The following FNDC1 variants were observed in gnomAD, a reference collection of about 807,000 sequenced individuals.
The protein encoded by FNDC1 is fibronectin type III domain-containing protein 1.
FNDC1 carries 96 observed loss-of-function variants against 168.0 expected under a neutral mutation model. The ratio of observed to expected loss-of-function variants is 0.57; its 90% confidence interval spans 0.48 to 0.68. The LOEUF (loss-of-function observed/expected upper bound fraction) is 0.68, where lower values mean the gene tolerates loss of function less well. FNDC1 is among the 30% of genes least tolerant of loss of function. The pLI, the probability that FNDC1 is intolerant of heterozygous loss-of-function variation, is 0.00. For missense variants in FNDC1, 2,587 were observed against 2,482.1 expected, an observed-to-expected ratio of 1.04 and a Z score of -0.90; for synonymous variants, 1,099 against 1,025.9, an observed-to-expected ratio of 1.07 and a Z score of -1.36.
chr6:159,200,692 T>C (rs964966825), intron 4 of FNDC1, 111 bp downstream of exon 4: 63 of 783,640 alleles, frequency 8.0e-5, no homozygotes, highest in Non-Finnish European at 1.2e-4. Context: ...TGAGTTCCCA[T>C]CGCTAAACTA....
chr6:159,230,098 C>T, intron 10 of FNDC1, 95 bp downstream of exon 10: 8 of 1,117,244 alleles, frequency 7.2e-6, no homozygotes, highest in Non-Finnish European at 9.8e-6. Flanking sequence ...TTTGGAACTG[C>T]TCAGCAGATG....
chr6:159,204,839 C>A (rs912238803), intron 4 of FNDC1, among the ~76,000 whole-genome samples: 1 of 152,198 alleles, frequency 6.6e-6, no homozygotes, highest in Non-Finnish European at 1.5e-5. Context: ...TTTCTTTATG[C>A]CACAGTGGCT....
intron 9 of FNDC1, among the ~76,000 whole-genome samples, chr6:159,228,248 G>A (rs576472182): frequency 3.9e-5 from 6 of 152,262 alleles, no homozygotes; most frequent in Non-Finnish European, 7.4e-5. Flanking sequence ...AAAAGAACTC[G>A]CGTATCTTAA....
At position 159,183,452 on chromosome 6, in the gene FNDC1, G is replaced by A. The variant is rs1028422842; in HGVS notation, c.109+13747G>A. Among the ~76,000 whole-genome samples the A allele has an allele frequency of 3.3e-5, 5 of 152,328 alleles. No homozygotes were observed. The Middle Eastern group carries it at 0.01, about 311-fold the overall frequency. On this transcript the variant is annotated intron_variant, in intron 1 of 22. Coordinates refer to ENST00000297267, the MANE Select transcript of FNDC1 (RefSeq NM_032532.3). ...TGCGTTCTTTGGGTGGAGATGTCAA[G>A]TAGACAGTTGGACACACTGGAGCTC...
chr6:159,175,064 C>G (rs1409773033), intron 1 of FNDC1, among the ~76,000 whole-genome samples: 1 of 152,118 alleles, frequency 6.6e-6, no homozygotes, highest in South Asian at 2.1e-4. Context: ...AAAGTAGATG[C>G]TGCTCACATT....
chr6:159,203,728 T>C (rs1362559628), intron 4 of FNDC1, among the ~76,000 whole-genome samples: 1 of 152,206 alleles, frequency 6.6e-6, no homozygotes, highest in Non-Finnish European at 1.5e-5. Context: ...AGACTTCTTT[T>C]CTGCAAGTTG....
chr6:159,233,790 C>T lies in FNDC1; in HGVS notation c.3278C>T (p.Ala1093Val). 5 of 1,538,372 alleles carry T rather than the reference C, an allele frequency of 3.3e-6. No homozygotes were observed. Among genetic ancestry groups the T allele is most frequent in the East Asian group, 2.5e-5 (1 of 40,756 alleles). ...GAAGTCGAGGCCCAGGATGTGCGGG[C>T]CCCCGCGCACGCCGCGCGCGCCAAG... ...STEVEAQDVR[A>V]PAHAARAKEA... Residue 1093 changes from alanine to valine, a missense_variant, in exon 11 of 23, where the codon GCC becomes GTC. Transcript: ENST00000297267. This position sits in a 1 kb window ranked among gnomAD's most constrained non-coding sequence, Gnocchi z 4.6.
chr6:159,206,717 T>C (rs1182354435), intron 4 of FNDC1, among the ~76,000 whole-genome samples: 1 of 152,262 alleles, frequency 6.6e-6, no homozygotes, highest in Non-Finnish European at 1.5e-5. Flanking sequence ...ATTCTACTTC[T>C]TGTCTTTTGC....
At chr6:159,222,022 G>A (rs780183475) in intron 6 of FNDC1, among the ~76,000 whole-genome samples, 1 of 152,192 alleles carries the variant, frequency 6.6e-6, no homozygotes, top group East Asian at 1.9e-4. Flanking sequence ...TGCACTGAAC[G>A]ACGTGAGAGA....
intron 15 of FNDC1, among the ~76,000 whole-genome samples, chr6:159,247,270 T>C (rs1273803002): frequency 2.6e-5 from 4 of 151,954 alleles, no homozygotes; most frequent in Non-Finnish European, 4.4e-5. Context: ...TCTGGAGTTA[T>C]CCATCTGGGC....
chr6:159,200,339 A>T (rs1032691131), intron 3 of FNDC1, among the ~76,000 whole-genome samples, 174 bp from the exon 4 acceptor site: 1 of 152,198 alleles, frequency 6.6e-6, no homozygotes, highest in Non-Finnish European at 1.5e-5. Flanking sequence ...TGTGTAAAAG[A>T]CCTAAAATAT....
At chr6:159,243,607 T>C (rs958787295) in intron 14 of FNDC1, among the ~76,000 whole-genome samples, 1 of 152,222 alleles carries the variant, frequency 6.6e-6, no homozygotes, top group African/African-American at 2.4e-5. Context: ...CTGGCAACTA[T>C]GTTTATGTGA....
chr6:159,208,650 C>T (rs1343427092), intron 4 of FNDC1, among the ~76,000 whole-genome samples: 1 of 152,150 alleles, frequency 6.6e-6, no homozygotes, highest in Non-Finnish European at 1.5e-5. Context: ...ATACCAAAGT[C>T]AGCTACTGAC....
At chr6:159,238,404 CT>C (rs1397592909) in intron 12 of FNDC1, 149 bp from the exon 13 acceptor site, 4 of 578,942 alleles carry the variant, frequency 6.9e-6, no homozygotes, top group African/African-American at 5.7e-5. Context: ...CTTTTTAAGA[CT>C]TTATGAATGA....
intron 4 of FNDC1, among the ~76,000 whole-genome samples, chr6:159,208,605 T>C (rs1333181374): frequency 6.6e-6 from 1 of 151,994 alleles, no homozygotes; most frequent in Non-Finnish European, 1.5e-5. Context: ...CACAAAGTAG[T>C]TTTTCTTGAT....
At chr6:159,172,884 T>C (rs1056277184) in intron 1 of FNDC1, among the ~76,000 whole-genome samples, 2 of 152,194 alleles carry the variant, frequency 1.3e-5, no homozygotes, top group Admixed American at 6.5e-5. Context: ...TTGCAATAGA[T>C]TGAATGCATA....
At chr6:159,211,328 G>A (rs1345596320) in intron 4 of FNDC1, among the ~76,000 whole-genome samples, 2 of 152,208 alleles carry the variant, frequency 1.3e-5, no homozygotes, top group Non-Finnish European at 2.9e-5. Context: ...TGGGAAGTGA[G>A]CATGTCCTGC....
intron 16 of FNDC1, among the ~76,000 whole-genome samples, chr6:159,250,517 T>C (rs1305437487): frequency 1.3e-5 from 2 of 152,142 alleles, no homozygotes; most frequent in African/African-American, 4.8e-5. Context: ...CAATCCCAAG[T>C]CCTTGGCATT....
chr6:159,174,438 G>A (rs1181082113), intron 1 of FNDC1, among the ~76,000 whole-genome samples: 2 of 152,268 alleles, frequency 1.3e-5, no homozygotes, highest in Non-Finnish European at 2.9e-5. Flanking sequence ...TGCGCTCTGA[G>A]GCCCTTAGAG....
Sources: allele counts gnomAD v4.1 joint callset (sites outside exome capture counted in the v4.1 genomes callset), GRCh38; gene constraint gnomAD v4.1.1; non-coding constraint Gnocchi (gnomAD v3.1); transcripts MANE v1.5; gene names NCBI Gene and HGNC (gene_info 2026-07-23, HGNC 2026-07-21).